TAFA5: variants seen among roughly 807,000 people sequenced by gnomAD.
TAFA5 encodes TAFA chemokine like family member 5.
TAFA5 carries 6 observed loss-of-function variants against 15.3 expected under a neutral mutation model. The ratio of observed to expected loss-of-function variants is 0.39; its 90% confidence interval spans 0.21 to 0.77. The LOEUF is 0.77. Among genes scored for constraint, TAFA5 ranks in the 30% least tolerant of loss-of-function variants. The probability of loss-of-function intolerance (pLI) is 0.41; values close to 1 mark genes in which losing one functional copy is unlikely to be tolerated. For synonymous variants in TAFA5, 103 were observed against 80.7 expected (o/e 1.28, Z -1.48); for missense variants, 161 against 193.1 (o/e 0.83, Z 0.98).
intron 3 of TAFA5, among the ~76,000 whole-genome samples, chr22:48,733,388 C>T (rs1929920167): frequency 6.6e-6 from 1 of 152,222 alleles, no homozygotes; most frequent in African/African-American, 2.4e-5. Flanking sequence ...TTTTGGGACA[C>T]AGAACCCAGT....
intron 1 of TAFA5, among the ~76,000 whole-genome samples, chr22:48,618,771 A>G (rs1925704993): frequency 6.6e-6 from 1 of 152,136 alleles, no homozygotes; most frequent in South Asian, 2.1e-4. Flanking sequence ...TCTGGGATTG[A>G]GGATGGCTGT....
chr22:48,746,767 G>T (rs952699439), intron 3 of TAFA5, among the ~76,000 whole-genome samples: 1 of 151,610 alleles, frequency 6.6e-6, no homozygotes, highest in Non-Finnish European at 1.5e-5. Flanking sequence ...AGCCGGAGGG[G>T]CCTCGTCACC....
intron 1 of TAFA5, among the ~76,000 whole-genome samples, chr22:48,589,088 C>T (rs1259836404): frequency 6.6e-6 from 1 of 152,204 alleles, no homozygotes; most frequent in African/African-American, 2.4e-5. Flanking sequence ...ATCTTCAGAC[C>T]CTCCTGTCCC....
chr22:48,523,155 C>CGT (rs1200857169), intron 1 of TAFA5, among the ~76,000 whole-genome samples: 1 of 152,212 alleles, frequency 6.6e-6, no homozygotes, highest in African/African-American at 2.4e-5. Flanking sequence ...CCCTGCCGCT[C>CGT]GTGCCACAAA....
chr22:48,534,094 A>G (rs1234813708), intron 1 of TAFA5, among the ~76,000 whole-genome samples: 1 of 152,134 alleles, frequency 6.6e-6, no homozygotes, highest in African/African-American at 2.4e-5. Context: ...AGAGGCAAGA[A>G]TACAGGTGAG....
chr22:48,735,087 C>T (rs1956423683), intron 3 of TAFA5, among the ~76,000 whole-genome samples: 1 of 152,206 alleles, frequency 6.6e-6, no homozygotes, highest in Non-Finnish European at 1.5e-5. Flanking sequence ...CTCATTCATT[C>T]CGACAGCTGC....
chr22:48,694,975 G>A (rs775627668), intron 2 of TAFA5, among the ~76,000 whole-genome samples: 1 of 151,800 alleles, frequency 6.6e-6, no homozygotes, highest in Non-Finnish European at 1.5e-5. Flanking sequence ...CCTCCTGTGA[G>A]CTTCAAACGT....
intron 1 of TAFA5, among the ~76,000 whole-genome samples, chr22:48,609,182 C>T (rs1925306609): frequency 6.6e-6 from 1 of 152,186 alleles, no homozygotes; most frequent in African/African-American, 2.4e-5. Context: ...GGAACCTCTA[C>T]TTGGGTGGGA....
chr22:48,666,797 G>A (rs947278326), intron 2 of TAFA5, among the ~76,000 whole-genome samples: 2 of 152,208 alleles, frequency 1.3e-5, no homozygotes, highest in East Asian at 3.9e-4. Context: ...AGCCTGCTGG[G>A]AGACACAGGC....
chr22:48,576,711 G>A, intron 1 of TAFA5: 1 of 1,050,426 alleles, frequency 9.5e-7, no homozygotes, highest in Non-Finnish European at 1.2e-6. Context: ...CGGGCCCGGA[G>A]CGGCCGGCGG....
intron 1 of TAFA5, among the ~76,000 whole-genome samples, chr22:48,619,978 G>A (rs575156358): frequency 1.3e-5 from 2 of 152,358 alleles, no homozygotes; most frequent in East Asian, 3.9e-4. Flanking sequence ...TGACATGTGG[G>A]TTGGAGATTT....
rs142068175 is a variant in TAFA5, at chr22:48,709,180, G to A, written c.390+1336G>A. Among the ~76,000 whole-genome samples, 97 of 152,248 alleles carry A rather than the reference G, an allele frequency of 6.4e-4. 1 individual carries two copies. In the East Asian group the frequency reaches 0.016, roughly 25 times the overall value. On this transcript the variant is annotated intron_variant, in intron 3 of 3. Coordinates refer to ENST00000402357, the MANE Select transcript of TAFA5 (RefSeq NM_001082967.3). ...GTGTGGGCCTGCAGGAGGAGTGTGA[G>A]GCCAGGCAACGGCGCCACCCCGAGG...
At chr22:48,738,462 A>C (rs1380715465) in intron 3 of TAFA5, among the ~76,000 whole-genome samples, 1 of 152,026 alleles carries the variant, frequency 6.6e-6, no homozygotes, top group Non-Finnish European at 1.5e-5. Context: ...GGAAGGTCGA[A>C]GGCCACGCCT....
chr22:48,509,143 C>T lies in TAFA5; in HGVS notation c.112+19439C>T, dbSNP rs531114359. On this transcript the variant is annotated intron_variant, in intron 1 of 3. Transcript: ENST00000402357. ...CCTGCAGCTGCGAATGACAGGATCTCATCCTTCTTTACGGCTGAATACTAC... is the reference window on the plus strand; with the variant it reads ...CCTGCAGCTGCGAATGACAGGATCTTATCCTTCTTTACGGCTGAATACTAC... 2.6e-5 allele frequency among the ~76,000 whole-genome samples: 4 copies of T among 152,348 alleles called. No homozygotes were observed. In the South Asian group the frequency reaches 8.3e-4, roughly 32 times the overall value.
chr22:48,660,455 A>G (rs1000573962), intron 2 of TAFA5, among the ~76,000 whole-genome samples: 2 of 152,218 alleles, frequency 1.3e-5, no homozygotes, highest in Non-Finnish European at 2.9e-5. Context: ...AGACCCTTCT[A>G]GAAATCTTGG....
chr22:48,733,771 C>A (rs1459307421), intron 3 of TAFA5, among the ~76,000 whole-genome samples: 2 of 152,132 alleles, frequency 1.3e-5, no homozygotes, highest in African/African-American at 4.8e-5. Context: ...TTCGTGTGTT[C>A]ATTCGCACAT....
rs1334492203 is a variant in TAFA5, at chr22:48,749,893, G to A, written c.*46G>A. 1 of 1,534,672 alleles carries A rather than the reference G, an allele frequency of 6.5e-7. No individual in the cohort carries two copies. Among genetic ancestry groups the A allele is most frequent in the Non-Finnish European group, 8.8e-7 (1 of 1,132,360 alleles). Reference sequence around the variant, plus strand: ...CCCCGGGAGTGGCCTTGGCTCCCTGGAGAGCCCACGTCTCAGCCACAGTTC... The same window carrying A: ...CCCCGGGAGTGGCCTTGGCTCCCTGAAGAGCCCACGTCTCAGCCACAGTTC... On this transcript the variant is annotated 3_prime_UTR_variant, in exon 4 of 4. Coordinates refer to ENST00000402357, the MANE Select transcript of TAFA5 (RefSeq NM_001082967.3).
At chr22:48,499,720 G>A (rs1920942462) in intron 1 of TAFA5, among the ~76,000 whole-genome samples, 1 of 152,198 alleles carries the variant, frequency 6.6e-6, no homozygotes, top group African/African-American at 2.4e-5. Context: ...GGCGACCTCT[G>A]CCACCCCCAA....
At chr22:48,585,340 T>C (rs1276339667) in intron 1 of TAFA5, among the ~76,000 whole-genome samples, 7 of 132,314 alleles carry the variant, frequency 5.3e-5, no homozygotes, top group African/African-American at 2.0e-4. Context: ...CACACACACA[T>C]AAAATACACC....
Sources: allele counts gnomAD v4.1 joint callset (sites outside exome capture counted in the v4.1 genomes callset), GRCh38; gene constraint gnomAD v4.1.1; transcripts MANE v1.5; gene names NCBI Gene and HGNC (gene_info 2026-07-23, HGNC 2026-07-21).